The following EVPL variants were observed in gnomAD, a reference collection of about 807,000 sequenced individuals.
The protein encoded by EVPL is envoplakin.
Under a neutral mutation model 129.7 loss-of-function variants are expected in EVPL, and 94 were observed. The ratio of observed to expected loss-of-function variants is 0.72; its 90% CI spans 0.61 to 0.86. EVPL has a LOEUF of 0.86. Ranked by LOEUF, EVPL falls within the 40% of genes least tolerant of loss-of-function variation. The probability of loss-of-function intolerance (pLI) is 0.00; values close to 1 mark genes in which losing one functional copy is unlikely to be tolerated. For missense variants in EVPL, 2,625 were observed against 2,721.1 expected (o/e 0.96, Z 0.79); for synonymous variants, 1,172 against 1,191.1 (o/e 0.98, Z 0.33).
At position 76,015,033 on chromosome 17, in the gene EVPL, G is replaced by A. The variant is rs368518863; in HGVS notation, c.2105C>T (p.Ala702Val). ...LHRALKASEH[A>V]CAALQNNFQE... is the part of the protein sequence containing the mutation. ...GAAGTTGTTCTGCAGGGCAGCGCAT[G>A]CGTGCTCCGAGGCCTTCAGCGCGCG... The change falls in exon 17 of 22, where the codon GCA becomes GTA. Residue 702 changes from alanine (A) to valine (V), a missense_variant. By Grantham distance (64) the Ala-to-Val change is moderately conservative (BLOSUM62 0). Coordinates refer to ENST00000301607, the MANE Select transcript of EVPL (RefSeq NM_001988.4). 3 of 1,592,660 alleles carry A rather than the reference G, an allele frequency of 1.9e-6. No homozygotes were observed. Among genetic ancestry groups the A allele is most frequent in the African/African-American group, 1.3e-5 (1 of 74,720 alleles).
At chr17:76,019,124 C>T (rs1404681205) in intron 10 of EVPL, 64 bp from the exon 11 acceptor site, 4 of 1,459,522 alleles carry the variant, frequency 2.7e-6, no homozygotes, top group South Asian at 2.8e-5. Context: ...CCACACCATA[C>T]CTGTCCTTCA....
intron 8 of EVPL, 41 bp from the exon 9 acceptor site, chr17:76,021,604 CACGTCCGCCCCA>C: frequency 7.1e-7 from 1 of 1,417,124 alleles, no homozygotes; most frequent in Non-Finnish European, 9.3e-7. Flanking sequence ...ACGCCCCCCC[CACGTCCGCCCCA>C]CCTCCCCCCT....
chr17:76,021,203 G>A (rs546794717), intron 9 of EVPL, among the ~76,000 whole-genome samples: 25 of 152,238 alleles, frequency 1.6e-4, no homozygotes, highest in Admixed American at 3.3e-4. Context: ...TTACAGGCGC[G>A]TGCCACCACA....
At position 76,015,746 on chromosome 17, in the gene EVPL, C is replaced by T. The variant is rs2066415620; in HGVS notation, c.1711-118G>A. 3 of 1,097,386 alleles carry T rather than the reference C, an allele frequency of 2.7e-6. No homozygotes were observed. In the Admixed American group the frequency reaches 7.6e-5, roughly 28 times the overall value. 68.0% of individuals were successfully genotyped at this position (1,097,386 alleles called of 1,614,324 possible). On this transcript the variant is annotated intron_variant, in intron 14 of 21. Coordinates refer to ENST00000301607, the MANE Select transcript of EVPL (RefSeq NM_001988.4). ...AGAGTGTGGTGGGTACATGCTTGGG[C>T]TCAGGCCAGAGAACTGCGTTCAGTC...
At position 76,024,555 on chromosome 17, in the gene EVPL, C is replaced by G. The variant is rs1406879397; in HGVS notation, c.99-435G>C. On this transcript the variant is annotated intron_variant, in intron 1 of 21. Transcript: ENST00000301607. The surrounding 1 kb of genome is among the most constrained non-coding windows in gnomAD (Gnocchi z 4.5). The stretch of plus-strand genomic sequence containing the variant: ...GGGCAGGGAGGCAGCAGCATGTCCC[C>G]CATCCCCACCTCCTCGCACTCCAGC... 6.6e-6 allele frequency among the ~76,000 whole-genome samples: 1 copy of G among 152,120 alleles called. No individual in the cohort carries two copies. The highest frequency in any genetic ancestry group is 1.5e-5 in the Non-Finnish European group (1 of 67,996).
intron 9 of EVPL, 152 bp from the exon 10 acceptor site, chr17:76,019,805 A>C (rs1417347290): frequency 9.3e-6 from 9 of 971,806 alleles, no homozygotes; most frequent in Non-Finnish European, 1.3e-5. Flanking sequence ...GATAAATGTG[A>C]AACAGCTAAA....
At chr17:76,026,534 A>G (rs1331965461) in intron 1 of EVPL, among the ~76,000 whole-genome samples, 1 of 152,184 alleles carries the variant, frequency 6.6e-6, no homozygotes, top group Non-Finnish European at 1.5e-5. Context: ...TAACTCTTCA[A>G]TACAACAAGG....
At position 76,009,860 on chromosome 17, in the gene EVPL, C is replaced by G; in HGVS notation, c.3345G>C (p.Lys1115Asn). 1 of 1,614,086 alleles carries G rather than the reference C, an allele frequency of 6.2e-7. No individual in the cohort carries two copies. The highest frequency in any genetic ancestry group is 2.2e-5 in the East Asian group (1 of 44,876). The change falls in exon 22 of 22, where the codon AAG becomes AAC. Residue 1115 changes from lysine (K) to asparagine (N), a missense_variant. Around this residue, in one of 4 missense-constraint regions of EVPL, gnomAD observed 1,453 missense variants for 1,511.8 expected, o/e 0.96. Coordinates refer to ENST00000301607, the MANE Select transcript of EVPL (RefSeq NM_001988.4). The surrounding 1 kb of genome is among the most constrained non-coding windows in gnomAD (Gnocchi z 5.9). ...CCAGGTCTTCGATGCGAGCCTGTAG[C>G]TTGGCCACAGCCTCCTCCGCCTGCT... is the stretch of plus-strand genomic sequence containing the variant. ...RRKQAEEAVA[K>N]LQARIEDLER...
chr17:76,016,913 C>T (rs562759969), intron 14 of EVPL, among the ~76,000 whole-genome samples: 40 of 151,820 alleles, frequency 2.6e-4, no homozygotes, highest in African/African-American at 8.7e-4. Context: ...GAGACCCCAT[C>T]TCATAAAACA....
In EVPL at chr17:76,027,155, G is replaced by C. The variant is rs199991753; in HGVS notation, c.44C>G (p.Pro15Arg). ...LSKGSQGKGSPKGSPAKGSPK... is the reference protein window; with the variant it reads ...LSKGSQGKGSRKGSPAKGSPK... ...GGACCCCTTGGCGGGGGAGCCCTTGGGGGACCCCTTCCCCTGGGAGCCTTT... is the reference window on the plus strand; with the variant it reads ...GGACCCCTTGGCGGGGGAGCCCTTGCGGGACCCCTTCCCCTGGGAGCCTTT... Residue 15 changes from proline (P) to arginine (R), a missense_variant, in exon 1 of 22, where the codon CCC (proline) becomes CGC (arginine). Physicochemically the swap from Pro to Arg is moderately radical, Grantham distance 103 (BLOSUM62 -2). Coordinates refer to ENST00000301607, the MANE Select transcript of EVPL (RefSeq NM_001988.4). The C allele has an allele frequency of 1.3e-4, 200 of 1,579,208 alleles. No individual in the cohort carries two copies. The highest frequency in any genetic ancestry group is 5.2e-4 in the South Asian group (45 of 86,160).
At chr17:76,012,784 G>C (rs565494679) in intron 18 of EVPL, among the ~76,000 whole-genome samples, 2 of 132,662 alleles carry the variant, frequency 1.5e-5, no homozygotes, top group South Asian at 2.3e-4. Flanking sequence ...TTGCTCTGTC[G>C]CCCAGGCTGG....
intron 16 of EVPL, 30 bp downstream of exon 16, chr17:76,015,197 G>A: frequency 1.9e-6 from 3 of 1,565,786 alleles, no homozygotes; most frequent in Non-Finnish European, 2.6e-6. Flanking sequence ...GGGTTCCCCT[G>A]ACACCAGGAG....
rs757399385 is a variant in EVPL at position 76,015,061 on chromosome 17, G to T, written c.2077C>A (p.His693Asn). Residue 693 changes from histidine (H) to asparagine (N), a missense_variant, in exon 17 of 22, where the codon CAC becomes AAC. By Grantham distance (68) the His-to-Asn change is moderately conservative (BLOSUM62 1). Around this residue, in one of 4 missense-constraint regions of EVPL, gnomAD observed 1,024 missense variants for 997.5 expected, o/e 1.03. Transcript: ENST00000301607. ...LEQQTCVLRL[H>N]RALKASEHAC... is the part of the protein sequence containing the mutation. Reference sequence around the variant, plus strand: ...TGCTCCGAGGCCTTCAGCGCGCGGTGTAGCCGCAGCACGCAGGTCTGCTGT... The same window carrying T: ...TGCTCCGAGGCCTTCAGCGCGCGGTTTAGCCGCAGCACGCAGGTCTGCTGT... 1.3e-6 allele frequency: 2 copies of T among 1,584,934 alleles called. No homozygotes were observed. Among genetic ancestry groups the T allele is most frequent in the Non-Finnish European group, 8.6e-7 (1 of 1,168,808 alleles).
chr17:76,020,317 C>A (rs2066448853), intron 9 of EVPL, among the ~76,000 whole-genome samples: 1 of 152,116 alleles, frequency 6.6e-6, no homozygotes, highest in Admixed American at 6.6e-5. Context: ...GTGCACTGAA[C>A]TTAATTTTTT....
chr17:76,008,787 T>C lies in EVPL; in HGVS notation c.4418A>G (p.Asp1473Gly). Residue 1473 changes from aspartate to glycine, a missense_variant, in exon 22 of 22, where the codon GAC becomes GGC. Physicochemically the swap from Asp to Gly is moderately conservative, Grantham distance 94. Transcript: ENST00000301607. The surrounding 1 kb of genome is among the most constrained non-coding windows in gnomAD (Gnocchi z 7.4). Reference protein sequence around the residue: ...EEVVKLEKDPDLEKSTEALRW... With the variant: ...EEVVKLEKDPGLEKSTEALRW... ...CAGGGCTTCCGTGGACTTCTCCAGG[T>C]CCGGGTCCTTCTCCAGCTTGACCAC... The C allele has an allele frequency of 6.2e-7, 1 of 1,614,084 alleles. No individual in the cohort carries two copies. Among genetic ancestry groups the C allele is most frequent in the East Asian group, 2.2e-5 (1 of 44,870 alleles).
chr17:76,007,190 CAG>C lies in EVPL; in HGVS notation c.6013_6014del (p.Leu2005GlufsTer45), dbSNP rs1434398600. 3.9e-6 allele frequency: 6 copies of C among 1,534,456 alleles called. No individual in the cohort carries two copies. Among genetic ancestry groups the C allele is most frequent in the South Asian group, 3.7e-5 (3 of 80,044 alleles). ...EAMGRCRKDP[L>X]SGLLLLPAAL... ...CCGCTGGCAGGAGCAGCAGGCCGCT[CAG>C]GGGGTCTTTGCGGCAGCGGCCCATG... On this transcript the variant is annotated frameshift_variant, in exon 22 of 22. Coordinates refer to ENST00000301607, the MANE Select transcript of EVPL (RefSeq NM_001988.4). LOFTEE classifies it low-confidence loss of function (END_TRUNC). The surrounding 1 kb of genome is among the most constrained non-coding windows in gnomAD (Gnocchi z 8.8).
At chr17:76,011,527 C>T (rs977814869) in intron 21 of EVPL, 49 bp downstream of exon 21, 3 of 1,526,890 alleles carry the variant, frequency 2.0e-6, no homozygotes, top group Admixed American at 1.7e-5. Flanking sequence ...GTGGGCATTC[C>T]TGGTTATTCC....
Position 76,015,122 on chromosome 17 carries a change from G to A in EVPL, c.2029-13C>T. The A allele has an allele frequency of 6.4e-7, 1 of 1,570,424 alleles. No individual in the cohort carries two copies. Among genetic ancestry groups the A allele is most frequent in the Non-Finnish European group, 8.6e-7 (1 of 1,157,392 alleles). ...CCCTCCGCTGGCGCTGCAGGAGGAG[G>A]GGACGCAGCCGTGCACCCTCGTGGC... On this transcript the variant is annotated splice_polypyrimidine_tract_variant and intron_variant, in intron 16 of 21. Transcript: ENST00000301607.
rs777889344 is a variant in EVPL at position 76,008,462 on chromosome 17, C to T, written c.4743G>A (p.Leu1581=). 6.3e-7 allele frequency: 1 copy of T among 1,595,394 alleles called. No individual in the cohort carries two copies. The highest frequency in any genetic ancestry group is 8.5e-7 in the Non-Finnish European group (1 of 1,176,164). Residue 1581 remains leucine (L), a synonymous_variant, in exon 22 of 22, where the codon CTG becomes CTA. Coordinates refer to ENST00000301607, the MANE Select transcript of EVPL (RefSeq NM_001988.4). The surrounding 1 kb of genome is among the most constrained non-coding windows in gnomAD (Gnocchi z 7.4). ...GGTCGGCCTGGTCCCGGGCCCTCTGCAGCTCGGACTCCTCCCGGGACCAGG... is the reference window on the plus strand; with the variant it reads ...GGTCGGCCTGGTCCCGGGCCCTCTGTAGCTCGGACTCCTCCCGGGACCAGG... The part of the protein sequence containing the change: ...GRTWSREESE[L]QRARDQADQE...
Sources: gnomAD v4.1 joint callset for allele counts (sites outside exome capture counted in the v4.1 genomes callset) on GRCh38, gnomAD v4.1.1 for gene constraint, gnomAD v4.1.1 regional missense constraint, Gnocchi (gnomAD v3.1) non-coding constraint, MANE v1.5 for transcripts, NCBI Gene and HGNC (gene_info 2026-07-23, HGNC 2026-07-21) for gene names.